Variants in KIAA1210 observed in about 807,000 individuals in gnomAD.
KIAA1210 encodes the protein KIAA1210.
KIAA1210 carries 48 observed loss-of-function variants against 78.9 expected under a neutral mutation model. The observed-to-expected ratio is 0.61, with a 90% CI of 0.48 to 0.77. The LOEUF (loss-of-function observed/expected upper bound fraction) is 0.77, where lower values mean the gene tolerates loss of function less well. KIAA1210 is among the 30% of genes least tolerant of loss of function. The probability of loss-of-function intolerance (pLI) is 0.00; values close to 1 mark genes in which losing one functional copy is unlikely to be tolerated. For missense variants in KIAA1210, 1,108 were observed against 1,100.0 expected (o/e 1.01, Z -0.10); for synonymous variants, 406 against 404.5 (o/e 1.00, Z -0.04).
At chrX:119,137,375 G>A (rs1165075232) in intron 2 of KIAA1210, among the ~76,000 whole-genome samples, 4 of 112,562 alleles carry the variant, frequency 3.6e-5, no homozygotes, top group African/African-American at 9.7e-5. Context: ...CAAAGAGAAA[G>A]AATACACATG....
intron 6 of KIAA1210, among the ~76,000 whole-genome samples, chrX:119,100,328 TAAA>T (rs35969490): frequency 1.5e-4 from 7 of 46,525 alleles, no homozygotes; most frequent in African/African-American, 2.1e-4. Context: ...AGACTGTCTT[TAAA>T]AAAAAAAAAA....
intron 10 of KIAA1210, among the ~76,000 whole-genome samples, chrX:119,084,886 G>A (rs1349007074): frequency 3.6e-5 from 4 of 111,689 alleles, no homozygotes; most frequent in Non-Finnish European, 5.7e-5. Flanking sequence ...CAACACCCCC[G>A]CACACACACT....
chrX:119,130,217 T>C (rs1928757364), upstream of KIAA1210, among the ~76,000 whole-genome samples: 1 of 112,166 alleles, frequency 8.9e-6, no homozygotes, highest in African/African-American at 3.2e-5. Flanking sequence ...CTCTGCCCAC[T>C]GGAGGGGGTC....
At chrX:119,128,888 T>C (rs1928717523), upstream of KIAA1210, among the ~76,000 whole-genome samples, 1 of 111,448 alleles carries the variant, frequency 9.0e-6, no homozygotes, top group Non-Finnish European at 1.9e-5. Context: ...TTGGTCAGGC[T>C]GGTCTCAAAC....
intron 7 of KIAA1210, among the ~76,000 whole-genome samples, chrX:119,094,535 G>A (rs188539338): frequency 8.8e-4 from 99 of 112,126 alleles, no homozygotes; most frequent in African/African-American, 2.7e-3. Context: ...TTATTTTTGA[G>A]TAAACGTGGT....
At chrX:119,149,023 G>C (rs1271712526) in intron 1 of KIAA1210, among the ~76,000 whole-genome samples, 1 of 107,846 alleles carries the variant, frequency 9.3e-6, no homozygotes, top group Non-Finnish European at 1.9e-5. Flanking sequence ...TTGTGTTGGG[G>C]GGAGGTGGGG....
At position 119,085,474 on chromosome X, in the gene KIAA1210, T is replaced by C; in HGVS notation, c.4229A>G (p.Gln1410Arg). 1 of 1,211,683 alleles carries C rather than the reference T, an allele frequency of 8.3e-7. No individual in the cohort carries two copies. The highest frequency in any genetic ancestry group is 1.8e-5 in the South Asian group (1 of 56,983). The change falls in exon 10 of 12, where the codon CAG becomes CGG. Residue 1410 changes from glutamine (Q) to arginine (R), a missense_variant. Gln to Arg is a conservative substitution (Grantham distance 43). This residue lies in a region of KIAA1210 where 245 missense variants were observed against 278.8 expected (regional missense o/e 0.88). Coordinates refer to ENST00000691062, the MANE Select transcript of KIAA1210 (RefSeq NM_001394962.1). ...AGAAATGTGGGCCTTGAAACTCTTC[T>C]GCTTCTGCTTTGCCATAGTTATCCA... ...PVWITMAKQK[Q>R]KSFKAHISVK...
At position 119,090,933 on chromosome X, in the gene KIAA1210, T is replaced by G. The variant is rs748562457; in HGVS notation, c.956-1187A>C. 1.6e-3 allele frequency among the ~76,000 whole-genome samples: 177 copies of G among 111,411 alleles called. 1 individual carries two copies. Among genetic ancestry groups the G allele is most frequent in the Non-Finnish European group, 2.2e-3 (118 of 53,093 alleles). ...CACACCCAGCACATCACTACTACAGTCAGCATCTGAGAAAGCCATCACACA... is the reference window on the plus strand; with the variant it reads ...CACACCCAGCACATCACTACTACAGGCAGCATCTGAGAAAGCCATCACACA... On this transcript the variant is annotated intron_variant, in intron 8 of 11. Transcript: ENST00000691062.
In KIAA1210 at chrX:119,116,531, C is replaced by T. The variant is rs1296583622; in HGVS notation, c.195G>A (p.Leu65=). The part of the protein sequence containing the change: ...LSSSNINISS[L]QPVRENQPTK... ...TTGGTTGATTTTCCCGAACGGGCTG[C>T]AGAGAAGAGATGTTAATGTTGCTGC... Residue 65 remains leucine, a synonymous_variant, in exon 3 of 12, where the codon CTG becomes CTA. Transcript: ENST00000691062. The T allele has an allele frequency of 8.3e-7, 1 of 1,211,634 alleles. No individual in the cohort carries two copies. Among genetic ancestry groups the T allele is most frequent in the South Asian group, 1.8e-5 (1 of 56,887 alleles).
intron 11 of KIAA1210, among the ~76,000 whole-genome samples, chrX:119,081,787 A>G (rs922865617): frequency 8.9e-6 from 1 of 112,326 alleles, no homozygotes; most frequent in Non-Finnish European, 1.9e-5. Context: ...GTAACTGCCA[A>G]TCTTCAGGTG....
chrX:119,129,599 C>A (rs1928740378), upstream of KIAA1210, among the ~76,000 whole-genome samples: 1 of 110,896 alleles, frequency 9.0e-6, no homozygotes, highest in African/African-American at 3.3e-5. Context: ...CAGAAGAACC[C>A]CCTTGTTTTC....
chrX:119,138,959 T>C (rs1928985668), intron 2 of KIAA1210, among the ~76,000 whole-genome samples: 1 of 111,711 alleles, frequency 9.0e-6, no homozygotes, highest in Admixed American at 9.5e-5. Flanking sequence ...CCCCAGCATG[T>C]GAGGAATAAA....
chrX:119,085,657 A>G, intron 9 of KIAA1210, 111 bp from the exon 10 acceptor site: 1 of 720,494 alleles, frequency 1.4e-6, no homozygotes. Flanking sequence ...TAATTGCCAA[A>G]GGAAAATAAA....
intron 3 of KIAA1210, among the ~76,000 whole-genome samples, chrX:119,110,082 C>A (rs1168058196): frequency 9.0e-6 from 1 of 111,542 alleles, no homozygotes; most frequent in Non-Finnish European, 1.9e-5. Flanking sequence ...AAACTACAGA[C>A]CAATATCTCT....
chrX:119,084,376 A>G (rs1927067309), intron 10 of KIAA1210, among the ~76,000 whole-genome samples: 1 of 111,956 alleles, frequency 8.9e-6, no homozygotes, highest in Non-Finnish European at 1.9e-5. Flanking sequence ...CCAAACATCA[A>G]ACACAGAAAG....
Position 119,112,908 on chromosome X carries a change from T to C in KIAA1210, c.230+3588A>G, listed in dbSNP as rs142013160. 7.0e-3 allele frequency among the ~76,000 whole-genome samples: 788 copies of C among 112,111 alleles called. 3 individuals carry two copies. The highest frequency in any genetic ancestry group is 0.028 in the Middle Eastern group (6 of 218). On this transcript the variant is annotated intron_variant, in intron 3 of 11. Transcript: ENST00000691062. ...ACTTATACACAAATGTTCACAGCAG[T>C]ATTATTCACAATAGCCAAAAGGTGG...
At chrX:119,120,056 C>A (rs111553078) in intron 2 of KIAA1210, among the ~76,000 whole-genome samples, 20 of 110,269 alleles carry the variant, frequency 1.8e-4, no homozygotes, top group African/African-American at 6.3e-4. Flanking sequence ...GCACTCCCAG[C>A]TACTCAGGAG....
chrX:119,085,633 A>G, intron 9 of KIAA1210, 87 bp from the exon 10 acceptor site: 1 of 837,225 alleles, frequency 1.2e-6, no homozygotes, highest in East Asian at 3.4e-5. Context: ...TAATATCCCA[A>G]ATGGGACCCT....
rs1411123779 is a variant in KIAA1210, at chrX:119,088,303, A to G, written c.2399T>C (p.Ile800Thr). 5.8e-6 allele frequency: 7 copies of G among 1,211,074 alleles called. No homozygotes were observed. The South Asian group carries it at 1.2e-4, about 21-fold the overall frequency. Residue 800 changes from isoleucine to threonine, a missense_variant, in exon 9 of 12, where the codon ATT (isoleucine) becomes ACT (threonine). Coordinates refer to ENST00000691062, the MANE Select transcript of KIAA1210 (RefSeq NM_001394962.1). Reference sequence around the variant, plus strand: ...TTTAGGAGGCAGAGGCTTCATAGAAATGCTCTCTTCAACAGCCATGCTCTT... The same window carrying G: ...TTTAGGAGGCAGAGGCTTCATAGAAGTGCTCTCTTCAACAGCCATGCTCTT... ...SPKSMAVEESISMKPLPPKLL... is the reference protein window; with the variant it reads ...SPKSMAVEESTSMKPLPPKLL...
Sources: gnomAD v4.1 joint callset for allele counts (sites outside exome capture counted in the v4.1 genomes callset) on GRCh38, gnomAD v4.1.1 for gene constraint, gnomAD v4.1.1 regional missense constraint, MANE v1.5 for transcripts, NCBI Gene and HGNC (gene_info 2026-07-23, HGNC 2026-07-21) for gene names.